Variants in SUMF1 observed in about 807,000 individuals in gnomAD.
SUMF1 encodes the protein sulfatase modifying factor 1.
Under a neutral mutation model 47.6 loss-of-function variants are expected in SUMF1, and 48 were observed. That is an observed-to-expected ratio of 1.01 (90% CI 0.80 to 1.28). The LOEUF (loss-of-function observed/expected upper bound fraction) is 1.28, where lower values mean the gene tolerates loss of function less well. SUMF1 is among the 50% of genes most tolerant of loss of function. The pLI, the probability that SUMF1 is intolerant of heterozygous loss-of-function variation, is 0.00. For synonymous variants in SUMF1, 230 were observed against 192.1 expected (o/e 1.20, Z -1.63); for missense variants, 571 against 485.4 (o/e 1.18, Z -1.66).
intron 8 of SUMF1, among the ~76,000 whole-genome samples, chr3:4,267,380 T>C (rs1162055676): frequency 6.6e-6 from 1 of 152,188 alleles, no homozygotes; most frequent in Admixed American, 6.5e-5. Context: ...TGGTAAAGTA[T>C]TGATTATTAC....
intron 8 of SUMF1, among the ~76,000 whole-genome samples, chr3:4,136,740 T>C (rs905154425): frequency 1.9e-4 from 28 of 149,248 alleles, no homozygotes; most frequent in Non-Finnish European, 3.4e-4. Context: ...AGGGCTAATA[T>C]CCAGAATCTA....
At chr3:4,229,760 T>G (rs1696255875) in intron 8 of SUMF1, among the ~76,000 whole-genome samples, 1 of 152,196 alleles carries the variant, frequency 6.6e-6, no homozygotes, top group East Asian at 1.9e-4. Context: ...ATGTCTCTAA[T>G]CCCAGCACTT....
intron 8 of SUMF1, among the ~76,000 whole-genome samples, chr3:4,241,972 T>G (rs1464935009): frequency 2.6e-5 from 4 of 152,134 alleles, no homozygotes; most frequent in African/African-American, 9.7e-5. Context: ...GGCTTTCCAC[T>G]TGGCTGGCAC....
At chr3:4,165,964 A>T (rs1694697560) in intron 8 of SUMF1, among the ~76,000 whole-genome samples, 1 of 150,352 alleles carries the variant, frequency 6.7e-6, no homozygotes, top group Admixed American at 6.7e-5. Context: ...TTGCCCAAGA[A>T]CCCATAACAG....
chr3:4,412,887 T>TCAAA (rs558703485), intron 6 of SUMF1, among the ~76,000 whole-genome samples: 1 of 152,106 alleles, frequency 6.6e-6, no homozygotes, highest in East Asian at 1.9e-4. Flanking sequence ...AGATTACGTC[T>TCAAA]CAAACAAACA....
At chr3:4,204,601 G>A (rs908895520) in intron 8 of SUMF1, among the ~76,000 whole-genome samples, 4 of 151,954 alleles carry the variant, frequency 2.6e-5, no homozygotes, top group South Asian at 2.1e-4. Context: ...CCTCTTTAAG[G>A]CCAGTAACTC....
chr3:4,084,642 C>G (rs1692635053), intron 8 of SUMF1, among the ~76,000 whole-genome samples: 2 of 152,074 alleles, frequency 1.3e-5, no homozygotes, highest in Admixed American at 1.3e-4. Context: ...ACACTTAGCA[C>G]AAAGTGTGAT....
chr3:4,366,745 T>A (rs1423360081), intron 8 of SUMF1, among the ~76,000 whole-genome samples: 3 of 152,224 alleles, frequency 2.0e-5, no homozygotes, highest in Non-Finnish European at 2.9e-5. Context: ...CCAGCTTTGT[T>A]CCATTGCTGG....
At chr3:4,307,642 C>T (rs912881661) in intron 8 of SUMF1, among the ~76,000 whole-genome samples, 5 of 152,106 alleles carry the variant, frequency 3.3e-5, no homozygotes, top group African/African-American at 9.7e-5. Flanking sequence ...ATCATTTTGC[C>T]GTGATTGTTT....
At chr3:4,400,365 G>C (rs1340145286) in intron 7 of SUMF1, among the ~76,000 whole-genome samples, 1 of 152,226 alleles carries the variant, frequency 6.6e-6, no homozygotes, top group African/African-American at 2.4e-5. Context: ...CTAAGCATCA[G>C]TGGAGCAAAA....
intron 8 of SUMF1, among the ~76,000 whole-genome samples, chr3:4,373,859 C>T (rs1252651665): frequency 3.3e-5 from 5 of 151,958 alleles, no homozygotes; most frequent in Non-Finnish European, 5.9e-5. Context: ...TGATACATAT[C>T]CCAGGAATGC....
intron 1 of SUMF1, among the ~76,000 whole-genome samples, chr3:4,453,621 C>T (rs924835211): frequency 6.6e-6 from 1 of 151,760 alleles, no homozygotes; most frequent in African/African-American, 2.4e-5. Flanking sequence ...GCAACCTCCA[C>T]CTCCCGGGTC....
chr3:4,369,241 T>C (rs1335155026), intron 8 of SUMF1, among the ~76,000 whole-genome samples: 1 of 152,156 alleles, frequency 6.6e-6, no homozygotes, highest in Non-Finnish European at 1.5e-5. Flanking sequence ...GGTCAGTGAA[T>C]AATATAACAT....
chr3:4,305,189 G>T (rs1698141586), intron 8 of SUMF1, among the ~76,000 whole-genome samples: 1 of 152,078 alleles, frequency 6.6e-6, no homozygotes, highest in African/African-American at 2.4e-5. Flanking sequence ...AGGTTCAAGC[G>T]ATTCTTCCAC....
At chr3:4,191,669 T>C (rs957844586) in intron 8 of SUMF1, among the ~76,000 whole-genome samples, 1 of 152,038 alleles carries the variant, frequency 6.6e-6, no homozygotes, top group Non-Finnish European at 1.5e-5. Context: ...GTTAATTAGA[T>C]GTGTAAGATG....
At chr3:4,131,334 C>T (rs1402974021) in intron 8 of SUMF1, among the ~76,000 whole-genome samples, 2 of 152,156 alleles carry the variant, frequency 1.3e-5, no homozygotes, top group Non-Finnish European at 2.9e-5. Flanking sequence ...GCCTGCTCTT[C>T]CCCAGCCTGC....
chr3:4,275,676 C>G (rs1419328644), intron 8 of SUMF1, among the ~76,000 whole-genome samples: 1 of 152,178 alleles, frequency 6.6e-6, no homozygotes, highest in Non-Finnish European at 1.5e-5. Flanking sequence ...AAGTACTTAG[C>G]TCTGGGGAGA....
chr3:4,283,535 A>G (rs1048918589), intron 8 of SUMF1, among the ~76,000 whole-genome samples: 5 of 152,226 alleles, frequency 3.3e-5, no homozygotes, highest in African/African-American at 1.2e-4. Context: ...ACAAATTACA[A>G]TAACCTAAGT....
intron 8 of SUMF1, among the ~76,000 whole-genome samples, chr3:4,153,515 C>T (rs1328421799): frequency 8.6e-6 from 1 of 116,206 alleles, no homozygotes; most frequent in Non-Finnish European, 1.9e-5. Flanking sequence ...AATGCCCCGC[C>T]TTGTAGGTTT....
Sources: allele counts gnomAD v4.1 joint callset (sites outside exome capture counted in the v4.1 genomes callset), GRCh38; gene constraint gnomAD v4.1.1; transcripts MANE v1.5; gene names NCBI Gene and HGNC (gene_info 2026-07-23, HGNC 2026-07-21).